The following WDR25 variants were observed in gnomAD, a reference collection of about 807,000 sequenced individuals.
The protein encoded by WDR25 is WD repeat-containing protein 25.
Under a neutral mutation model 47.7 loss-of-function variants are expected in WDR25, and 35 were observed. The ratio of observed to expected loss-of-function variants is 0.73; its 90% confidence interval spans 0.56 to 0.97. WDR25 has a LOEUF of 0.97. WDR25 is among the 50% of genes least tolerant of loss of function. The pLI is 0.00. For missense variants in WDR25, 634 were observed against 704.7 expected (o/e 0.90, Z 1.14); for synonymous variants, 248 against 278.9 (o/e 0.89, Z 1.10).
At chr14:100,384,424 C>T (rs1359772302) in intron 2 of WDR25, among the ~76,000 whole-genome samples, 1 of 152,194 alleles carries the variant, frequency 6.6e-6, no homozygotes, top group Non-Finnish European at 1.5e-5. Context: ...AGATTGGGAA[C>T]CGGCGGGGAG....
At chr14:100,515,296 A>G (rs1595164805) in intron 4 of WDR25, among the ~76,000 whole-genome samples, 2 of 152,144 alleles carry the variant, frequency 1.3e-5, no homozygotes, top group East Asian at 3.9e-4. Context: ...TCAAATTTGG[A>G]AAATTTTTGC....
chr14:100,387,709 C>T (rs140185418), intron 2 of WDR25, among the ~76,000 whole-genome samples: 2 of 152,334 alleles, frequency 1.3e-5, no homozygotes, highest in Non-Finnish European at 2.9e-5. Context: ...TAGAGGCAAG[C>T]AGGGAAGCTT....
chr14:100,465,093 TG>T (rs1261125751), intron 2 of WDR25, among the ~76,000 whole-genome samples: 1 of 152,112 alleles, frequency 6.6e-6, no homozygotes, highest in East Asian at 1.9e-4. Flanking sequence ...CTAGGAGTGA[TG>T]GCCCTCCTCA....
chr14:100,386,803 GA>G (rs747589096), intron 2 of WDR25, among the ~76,000 whole-genome samples: 38 of 152,122 alleles, frequency 2.5e-4, no homozygotes, highest in Non-Finnish European at 4.6e-4. Flanking sequence ...TGAGGCAGGA[GA>G]ATGGCATGAA....
intron 3 of WDR25, among the ~76,000 whole-genome samples, chr14:100,477,702 T>C (rs1900061842): frequency 6.6e-6 from 1 of 152,224 alleles, no homozygotes; most frequent in Admixed American, 6.5e-5. Context: ...CATATCTCTT[T>C]AACAAATGTA....
rs200923127 is a variant in WDR25, at chr14:100,447,900, TA to T, written c.823-20112del. On this transcript the variant is annotated intron_variant, in intron 2 of 6. Transcript: ENST00000402312. ...TGGAAAGTGATGAGTAACTGCACTT[TA>T]AAAAAAAATGGGCTGGGCGTGGTGG... Among the ~76,000 whole-genome samples, 749 of 151,226 alleles carry T rather than the reference TA, an allele frequency of 5.0e-3. 10 individuals carry two copies. Among genetic ancestry groups the T allele is most frequent in the African/African-American group, 0.017 (704 of 41,306 alleles).
chr14:100,387,964 TTAAGA>T (rs1400948838), intron 2 of WDR25, among the ~76,000 whole-genome samples: 2 of 152,220 alleles, frequency 1.3e-5, no homozygotes, highest in Non-Finnish European at 2.9e-5. Flanking sequence ...TCTGATTACA[TTAAGA>T]TATCTTAGAT....
chr14:100,388,999 C>T (rs1474818468), intron 2 of WDR25, among the ~76,000 whole-genome samples: 2 of 152,136 alleles, frequency 1.3e-5, no homozygotes, highest in African/African-American at 2.4e-5. Context: ...GCAAAATTGG[C>T]GCACTTAGGA....
chr14:100,514,780 TC>T (rs1901437285), intron 4 of WDR25, among the ~76,000 whole-genome samples: 1 of 152,160 alleles, frequency 6.6e-6, no homozygotes, highest in African/African-American at 2.4e-5. Flanking sequence ...TTATCTATTT[TC>T]CTACATATGT....
At chr14:100,383,872 G>A (rs747140492) in intron 2 of WDR25, among the ~76,000 whole-genome samples, 2 of 152,242 alleles carry the variant, frequency 1.3e-5, no homozygotes, top group East Asian at 1.9e-4. Flanking sequence ...AGAAGAGGGC[G>A]CAGTGGGCCC....
chr14:100,465,166 T>TTG (rs138761463), intron 2 of WDR25, among the ~76,000 whole-genome samples: 44 of 152,038 alleles, frequency 2.9e-4, no homozygotes, highest in Admixed American at 9.2e-4. Flanking sequence ...TTTTTTTTCT[T>TTG]TGTGTGTGTG....
intron 4 of WDR25, among the ~76,000 whole-genome samples, chr14:100,501,301 T>A (rs1201184492): frequency 2.0e-5 from 3 of 152,182 alleles, no homozygotes. Flanking sequence ...GAGTGTTCAA[T>A]AAATGCTCCT....
rs117649900 is a variant in WDR25, at chr14:100,499,172, A to G, written c.1101+15048A>G. Among the ~76,000 whole-genome samples, 80 of 152,326 alleles carry G rather than the reference A, an allele frequency of 5.3e-4. 1 individual carries two copies. In the East Asian group the frequency reaches 0.013, roughly 24 times the overall value. ...AAACTTCAACCCAGCCATAACCACC[A>G]CTGACAGTTGGTATCCTTCATTCAA... On this transcript the variant is annotated intron_variant, in intron 4 of 6. Coordinates refer to ENST00000402312, the MANE Select transcript of WDR25 (RefSeq NM_001161476.3). This position sits in a 1 kb window ranked among gnomAD's most constrained non-coding sequence, Gnocchi z 4.4.
intron 2 of WDR25, among the ~76,000 whole-genome samples, chr14:100,383,787 C>T (rs559234061): frequency 2.0e-5 from 3 of 152,314 alleles, no homozygotes; most frequent in South Asian, 2.1e-4. Context: ...CCACTGGGGA[C>T]GTGGGGGGAG....
intron 2 of WDR25, among the ~76,000 whole-genome samples, chr14:100,414,446 G>A (rs571381468): frequency 5.9e-5 from 9 of 151,348 alleles, no homozygotes; most frequent in African/African-American, 2.2e-4. Context: ...CCGAGTAGCT[G>A]GGATTATAGA....
At chr14:100,386,614 C>A (rs1449402441) in intron 2 of WDR25, among the ~76,000 whole-genome samples, 2 of 151,998 alleles carry the variant, frequency 1.3e-5, no homozygotes, top group African/African-American at 4.8e-5. Context: ...GGCTTTGAGG[C>A]CAGGCGCGGT....
Position 100,499,433 on chromosome 14 carries a change from C to T in WDR25, c.1101+15309C>T, listed in dbSNP as rs954959618. Among the ~76,000 whole-genome samples, 5 of 152,174 alleles carry T rather than the reference C, an allele frequency of 3.3e-5. No homozygotes were observed. The highest frequency in any genetic ancestry group is 4.1e-4 in the South Asian group (2 of 4,832). On this transcript the variant is annotated intron_variant, in intron 4 of 6. Transcript: ENST00000402312. The surrounding 1 kb of genome is among the most constrained non-coding windows in gnomAD (Gnocchi z 4.4). The stretch of plus-strand genomic sequence containing the variant: ...ACTTCTCTGCACAATAATTCTTAAA[C>T]GCAGAATTAGTCGAAAGGTAAGCAT...
chr14:100,402,577 C>A (rs2140173851), intron 2 of WDR25, among the ~76,000 whole-genome samples: 1 of 152,198 alleles, frequency 6.6e-6, no homozygotes, highest in African/African-American at 2.4e-5. Flanking sequence ...CCTCGGCAGG[C>A]CAGGCAATTT....
Position 100,529,031 on chromosome 14 carries a change from G to C in WDR25, c.1273-37G>C, listed in dbSNP as rs757415187. 21 of 1,506,124 alleles carry C rather than the reference G, an allele frequency of 1.4e-5. No individual in the cohort carries two copies. Among genetic ancestry groups the C allele is most frequent in the Admixed American group, 4.3e-5 (2 of 46,322 alleles). The allele number at this position is 1,506,124 out of a possible 1,614,324, so 93.3% of individuals were successfully genotyped here. On this transcript the variant is annotated intron_variant, in intron 5 of 6. Transcript: ENST00000402312. This position sits in a 1 kb window ranked among gnomAD's most constrained non-coding sequence, Gnocchi z 5.1. The stretch of plus-strand genomic sequence containing the variant: ...CAGAGCAGAGTGCCAGGTTGGGGGT[G>C]TCTTCTCTGACCCATTTGTGGCTCT...
Sources: gnomAD v4.1 joint callset for allele counts (sites outside exome capture counted in the v4.1 genomes callset) on GRCh38, gnomAD v4.1.1 for gene constraint, Gnocchi (gnomAD v3.1) non-coding constraint, MANE v1.5 for transcripts, NCBI Gene and HGNC (gene_info 2026-07-23, HGNC 2026-07-21) for gene names.